Variants in INSL6 observed in about 807,000 individuals in gnomAD.
The protein encoded by INSL6 is insulin like 6.
Under a neutral mutation model 9.4 loss-of-function variants are expected in INSL6, and 16 were observed. The observed-to-expected ratio is 1.70, with a 90% confidence interval of 1.15 to 2.59. The LOEUF (loss-of-function observed/expected upper bound fraction) is 2.59, where lower values mean the gene tolerates loss of function less well. INSL6 is among the 30% of genes most tolerant of loss of function. The pLI, the probability that INSL6 is intolerant of heterozygous loss-of-function variation, is 0.00. For missense variants in INSL6, 391 were observed against 257.3 expected (o/e 1.52, Z -3.56); for synonymous variants, 154 against 96.9 (o/e 1.59, Z -3.46).
At chr9:5,068,813 T>C in the INSL6 span, among the ~76,000 whole-genome samples, 1 of 152,216 alleles carries the variant, frequency 6.6e-6, no homozygotes, top group Non-Finnish European at 1.5e-5. Flanking sequence ...TTTCATAAAA[T>C]CAACTTTTAA....
the INSL6 span, chr9:5,090,989 C>A: frequency 9.3e-7 from 1 of 1,074,610 alleles, no homozygotes; most frequent in Non-Finnish European, 1.3e-6. Flanking sequence ...AATAGTTTGC[C>A]ATTTCTATAT....
chr9:5,040,023 A>T, the INSL6 span, among the ~76,000 whole-genome samples: 2 of 152,232 alleles, frequency 1.3e-5, no homozygotes, highest in Non-Finnish European at 2.9e-5. Context: ...GAAACAATAC[A>T]AAGTTTGAAG....
At chr9:5,063,452 A>G in the INSL6 span, among the ~76,000 whole-genome samples, 1 of 152,028 alleles carries the variant, frequency 6.6e-6, no homozygotes, top group Non-Finnish European at 1.5e-5. Context: ...GTCAGCTGTA[A>G]TTTTTGGTCA....
chr9:5,135,356 C>G (rs937488949), intron 2 of INSL6, among the ~76,000 whole-genome samples: 1 of 149,394 alleles, frequency 6.7e-6, no homozygotes, highest in African/African-American at 2.4e-5. Context: ...CTACAGAACT[C>G]TGCACCACAT....
intron 2 of INSL6, among the ~76,000 whole-genome samples, chr9:5,158,243 T>G (rs1438402544): frequency 1.3e-5 from 2 of 152,152 alleles, no homozygotes; most frequent in African/African-American, 4.8e-5. Context: ...TTCTTCGCCT[T>G]GAAAGGGTGG....
chr9:5,050,807 C>T, the INSL6 span: 1 of 1,613,544 alleles, frequency 6.2e-7, no homozygotes, highest in Non-Finnish European at 8.5e-7. Flanking sequence ...GATCAAACCC[C>T]ACTGGCCATC....
chr9:5,134,051 C>A (rs1044988550), intron 2 of INSL6, among the ~76,000 whole-genome samples: 1 of 151,984 alleles, frequency 6.6e-6, no homozygotes, highest in Non-Finnish European at 1.5e-5. Context: ...GAAGCATACA[C>A]GAGTATCAAC....
the INSL6 span, chr9:5,085,071 C>T: frequency 5.2e-3 from 3,563 of 688,386 alleles, 22 homozygotes; most frequent in South Asian, 7.4e-3. Context: ...GTTTACTGCT[C>T]TCTCTTATTG....
At chr9:5,177,775 G>A (rs79442751) in intron 1 of INSL6, among the ~76,000 whole-genome samples, 3 of 152,044 alleles carry the variant, frequency 2.0e-5, no homozygotes, top group African/African-American at 7.2e-5. Context: ...AGCTGTTCCA[G>A]CCTCCCAGCT....
At chr9:5,059,729 T>A in the INSL6 span, among the ~76,000 whole-genome samples, 1 of 152,172 alleles carries the variant, frequency 6.6e-6, no homozygotes, top group South Asian at 2.1e-4. Flanking sequence ...AGTCTAAAAA[T>A]GTCTTAGTTT....
At chr9:5,159,619 G>C (rs901893058), downstream of INSL6, among the ~76,000 whole-genome samples, 1 of 152,132 alleles carries the variant, frequency 6.6e-6, no homozygotes, top group Non-Finnish European at 1.5e-5. Context: ...AAATATATAC[G>C]CATTCAACGC....
chr9:5,107,624 C>A, the INSL6 span, among the ~76,000 whole-genome samples: 631 of 152,206 alleles, frequency 4.1e-3, 5 homozygotes, highest in African/African-American at 0.015. Context: ...TTATAATAAA[C>A]CATATTTACC....
the INSL6 span, among the ~76,000 whole-genome samples, chr9:5,118,626 A>G: frequency 2.6e-4 from 39 of 152,354 alleles, no homozygotes; most frequent in African/African-American, 9.1e-4. Flanking sequence ...AAGATTAAGC[A>G]TAAATTCTGT....
At chr9:5,077,897 T>C in the INSL6 span, among the ~76,000 whole-genome samples, 1 of 152,224 alleles carries the variant, frequency 6.6e-6, no homozygotes, top group East Asian at 1.9e-4. Flanking sequence ...TGGGCCATTG[T>C]ACATTATGGT....
intron 2 of INSL6, among the ~76,000 whole-genome samples, chr9:5,137,614 A>G (rs751382801): frequency 1.1e-4 from 17 of 152,188 alleles, no homozygotes; most frequent in Non-Finnish European, 2.5e-4. Context: ...ACTTAAATAT[A>G]AGACCTAAAT....
At chr9:5,166,322 T>A (rs1248554444) in intron 1 of INSL6, among the ~76,000 whole-genome samples, 1 of 152,206 alleles carries the variant, frequency 6.6e-6, no homozygotes, top group Non-Finnish European at 1.5e-5. Context: ...TATCCCCTTT[T>A]ATCTTGAGGT....
At chr9:5,113,092 G>A in the INSL6 span, among the ~76,000 whole-genome samples, 113 of 151,396 alleles carry the variant, frequency 7.5e-4, no homozygotes, top group African/African-American at 2.6e-3. Context: ...CACTGCCCTC[G>A]CTCCCCCTGC....
intron 1 of INSL6, among the ~76,000 whole-genome samples, chr9:5,181,582 C>G (rs1021965528): frequency 1.3e-5 from 2 of 152,098 alleles, no homozygotes; most frequent in African/African-American, 2.4e-5. Flanking sequence ...AAAAGGACCT[C>G]TAATACATAA....
the INSL6 span, among the ~76,000 whole-genome samples, chr9:5,034,316 A>T: frequency 1.3e-5 from 2 of 152,174 alleles, no homozygotes; most frequent in Non-Finnish European, 2.9e-5. Context: ...CCCACTGTCA[A>T]CATTAGACAG....
Sources: gnomAD v4.1 joint callset for allele counts (sites outside exome capture counted in the v4.1 genomes callset) on GRCh38, gnomAD v4.1.1 for gene constraint, MANE v1.5 for transcripts, NCBI Gene and HGNC (gene_info 2026-07-23, HGNC 2026-07-21) for gene names.